The following ZDHHC14 variants were observed in gnomAD, a reference collection of about 807,000 sequenced individuals.
ZDHHC14 encodes zDHHC palmitoyltransferase 14.
In ZDHHC14, 16 loss-of-function variants were observed where a neutral mutation model predicts 47.7. That is an observed-to-expected ratio of 0.34 (90% CI 0.23 to 0.51). The LOEUF (loss-of-function observed/expected upper bound fraction) is 0.51, where lower values mean the gene tolerates loss of function less well. ZDHHC14 is among the 20% of genes least tolerant of loss of function. The pLI is 0.97. For missense variants in ZDHHC14, 515 were observed against 662.5 expected, an observed-to-expected ratio of 0.78 and a Z score of 2.44; for synonymous variants, 293 against 278.9, an observed-to-expected ratio of 1.05 and a Z score of -0.50.
chr6:157,561,020 A>G (rs1301396293), intron 2 of ZDHHC14, among the ~76,000 whole-genome samples: 1 of 152,226 alleles, frequency 6.6e-6, no homozygotes, highest in Non-Finnish European at 1.5e-5. Context: ...ACTAAAACCA[A>G]AAAATAGTCA....
At chr6:157,445,681 C>G (rs1403757138) in intron 1 of ZDHHC14, among the ~76,000 whole-genome samples, 2 of 152,168 alleles carry the variant, frequency 1.3e-5, no homozygotes, top group African/African-American at 4.8e-5. Context: ...CTCCTTTCCG[C>G]TTTTCTTATG....
rs1051638574 is a variant in ZDHHC14 at position 157,465,646 on chromosome 6, G to A, written c.246-76939G>A. On this transcript the variant is annotated intron_variant, in intron 1 of 8. Transcript: ENST00000359775. ...CTTCAAGGTCAGTCTTCTGTGTAGT[G>A]CCATGAGGCTCTCGTTAAAATGTCA... 3.3e-5 allele frequency among the ~76,000 whole-genome samples: 5 copies of A among 152,076 alleles called. No homozygotes were observed. The East Asian group carries it at 9.6e-4, about 29-fold the overall frequency.
intron 3 of ZDHHC14, among the ~76,000 whole-genome samples, chr6:157,616,280 C>G (rs1466107030): frequency 2.0e-5 from 3 of 152,152 alleles, no homozygotes; most frequent in Non-Finnish European, 2.9e-5. Flanking sequence ...TGCTGACCAC[C>G]TGGATGTGAG....
intron 1 of ZDHHC14, among the ~76,000 whole-genome samples, chr6:157,474,539 G>A (rs1217424903): frequency 6.6e-6 from 1 of 152,078 alleles, no homozygotes; most frequent in Non-Finnish European, 1.5e-5. Flanking sequence ...CCAACAGTGT[G>A]CAAGGATTCC....
chr6:157,391,343 AG>A lies in ZDHHC14; in HGVS notation c.245+9080del, dbSNP rs1234046921. Among the ~76,000 whole-genome samples, 4 of 152,178 alleles carry A rather than the reference AG, an allele frequency of 2.6e-5. No individual in the cohort carries two copies. In the East Asian group the frequency reaches 7.7e-4, roughly 29 times the overall value. On this transcript the variant is annotated intron_variant, in intron 1 of 8. Coordinates refer to ENST00000359775, the MANE Select transcript of ZDHHC14 (RefSeq NM_024630.3). The stretch of plus-strand genomic sequence containing the variant: ...ACAGCTGCTGTGCCCCAGCTTTTGG[AG>A]GGCTACTGCAGTGGTCCGAGTGAAG...
At position 157,517,345 on chromosome 6, in the gene ZDHHC14, C is replaced by T. The variant is rs1335737649; in HGVS notation, c.246-25240C>T. 3.4e-5 allele frequency among the ~76,000 whole-genome samples: 5 copies of T among 147,504 alleles called. No homozygotes were observed. The South Asian group carries it at 6.4e-4, about 19-fold the overall frequency. ...TCTTTTTTTTTTTGAGACAGAGTTTCGCTCTGTCAGCCAGGCTGGAGTGCA... is the reference window on the plus strand; with the variant it reads ...TCTTTTTTTTTTTGAGACAGAGTTTTGCTCTGTCAGCCAGGCTGGAGTGCA... On this transcript the variant is annotated intron_variant, in intron 1 of 8. Coordinates refer to ENST00000359775, the MANE Select transcript of ZDHHC14 (RefSeq NM_024630.3).
At chr6:157,515,457 CTTTTTTTTTT>C (rs1187323622) in intron 1 of ZDHHC14, among the ~76,000 whole-genome samples, 1 of 129,450 alleles carries the variant, frequency 7.7e-6, no homozygotes, top group Non-Finnish European at 1.7e-5. Context: ...TTTTCTTTTT[CTTTTTTTTTT>C]TTTTTTTTTT....
chr6:157,544,188 T>G (rs772340586), intron 2 of ZDHHC14, among the ~76,000 whole-genome samples: 3 of 152,214 alleles, frequency 2.0e-5, no homozygotes, highest in Non-Finnish European at 4.4e-5. Flanking sequence ...GTATGGTTTA[T>G]GCCTACAATA....
chr6:157,411,039 A>T (rs1389226421), intron 1 of ZDHHC14, among the ~76,000 whole-genome samples: 1 of 152,140 alleles, frequency 6.6e-6, no homozygotes, highest in Non-Finnish European at 1.5e-5. Context: ...GCTGGAGGAG[A>T]TGGTCCAGGC....
intron 3 of ZDHHC14, among the ~76,000 whole-genome samples, chr6:157,620,742 CTGAG>C (rs1785156571): frequency 1.3e-5 from 2 of 152,208 alleles, no homozygotes; most frequent in African/African-American, 4.8e-5. Flanking sequence ...CCCGATCAGC[CTGAG>C]TGTCTGCTCC....
intron 1 of ZDHHC14, among the ~76,000 whole-genome samples, chr6:157,389,466 G>A (rs987205306): frequency 2.6e-5 from 4 of 152,162 alleles, no homozygotes; most frequent in Admixed American, 6.5e-5. Flanking sequence ...GCAACAGTCC[G>A]TATTCAGATT....
At chr6:157,535,185 GCT>G (rs1562466935) in intron 1 of ZDHHC14, among the ~76,000 whole-genome samples, 1 of 152,068 alleles carries the variant, frequency 6.6e-6, no homozygotes, top group East Asian at 1.9e-4. Flanking sequence ...CCCCTCCTCC[GCT>G]CTCTGTTCAC....
chr6:157,661,734 G>C (rs1295282931), intron 8 of ZDHHC14, among the ~76,000 whole-genome samples: 1 of 152,188 alleles, frequency 6.6e-6, no homozygotes, highest in African/African-American at 2.4e-5. Context: ...TTATACTGAG[G>C]TTCACCTCCC....
intron 1 of ZDHHC14, among the ~76,000 whole-genome samples, chr6:157,457,986 A>G (rs1416118406): frequency 6.6e-6 from 1 of 152,254 alleles, no homozygotes; most frequent in African/African-American, 2.4e-5. Context: ...GCTCGTGAGC[A>G]TATCTGCTTA....
chr6:157,637,164 A>AT (rs1386817435), intron 5 of ZDHHC14, among the ~76,000 whole-genome samples: 4 of 152,162 alleles, frequency 2.6e-5, no homozygotes, highest in Non-Finnish European at 5.9e-5. Flanking sequence ...ATCTGTTGGT[A>AT]TTTTTGGTGC....
At chr6:157,532,464 G>C (rs1211089329) in intron 1 of ZDHHC14, among the ~76,000 whole-genome samples, 1 of 151,980 alleles carries the variant, frequency 6.6e-6, no homozygotes, top group African/African-American at 2.4e-5. Context: ...GCCATCCCTA[G>C]ACCACCCGCA....
chr6:157,653,439 G>A, intron 7 of ZDHHC14, 86 bp from the exon 8 acceptor site: 2 of 1,414,886 alleles, frequency 1.4e-6, no homozygotes, highest in Non-Finnish European at 9.8e-7. Context: ...GGAAGAGGGA[G>A]CCCCGACGCG....
chr6:157,415,953 G>A (rs1384054242), intron 1 of ZDHHC14, among the ~76,000 whole-genome samples: 1 of 151,840 alleles, frequency 6.6e-6, no homozygotes, highest in East Asian at 1.9e-4. Context: ...AAATACCAAA[G>A]ACAGCATATT....
At chr6:157,517,614 A>C (rs956712949) in intron 1 of ZDHHC14, among the ~76,000 whole-genome samples, 3 of 152,066 alleles carry the variant, frequency 2.0e-5, no homozygotes, top group Non-Finnish European at 2.9e-5. Flanking sequence ...CCTGGCCTTA[A>C]AGTATCTCTT....
Sources: allele counts gnomAD v4.1 joint callset (sites outside exome capture counted in the v4.1 genomes callset), GRCh38; gene constraint gnomAD v4.1.1; transcripts MANE v1.5; gene names NCBI Gene and HGNC (gene_info 2026-07-23, HGNC 2026-07-21).